OR1J2: variants seen among roughly 807,000 people sequenced by gnomAD.
The protein encoded by OR1J2 is olfactory receptor family 1 subfamily J member 2.
For synonymous variants in OR1J2, 142 were observed against 99.7 expected, an observed-to-expected ratio of 1.42 and a Z score of -2.52; for missense variants, 304 against 246.1, an observed-to-expected ratio of 1.24 and a Z score of -1.57.
the OR1J2 span, among the ~76,000 whole-genome samples, chr9:122,566,118 C>T: frequency 6.6e-6 from 1 of 152,184 alleles, no homozygotes; most frequent in Non-Finnish European, 1.5e-5. Context: ...TTTAAAAGAT[C>T]TGAAAGAAAA....
At chr9:122,538,977 A>G in the OR1J2 span, among the ~76,000 whole-genome samples, 3 of 152,232 alleles carry the variant, frequency 2.0e-5, no homozygotes, top group African/African-American at 4.8e-5. Flanking sequence ...ACATTGTGCA[A>G]TATACCCATG....
At chr9:122,465,502 A>G in the OR1J2 span, among the ~76,000 whole-genome samples, 2 of 152,216 alleles carry the variant, frequency 1.3e-5, no homozygotes, top group East Asian at 1.9e-4. Flanking sequence ...ATCAATAGCT[A>G]TAGCACACCC....
chr9:122,454,239 C>T, the OR1J2 span, among the ~76,000 whole-genome samples: 1 of 152,150 alleles, frequency 6.6e-6, no homozygotes, highest in Non-Finnish European at 1.5e-5. Flanking sequence ...TCCCAGTGGC[C>T]GGGTGCAGTG....
the OR1J2 span, chr9:122,553,873 A>G: frequency 4.3e-6 from 7 of 1,613,670 alleles, no homozygotes; most frequent in African/African-American, 1.3e-5. Context: ...GTCTTCTCCT[A>G]TGTCCGCATT....
At chr9:122,484,900 G>A in the OR1J2 span, among the ~76,000 whole-genome samples, 1 of 152,192 alleles carries the variant, frequency 6.6e-6, no homozygotes, top group South Asian at 2.1e-4. Flanking sequence ...CAGGAATGGT[G>A]GTATGCGCCT....
upstream of OR1J2, chr9:122,510,758 A>G (rs773604932): frequency 1.2e-5 from 13 of 1,091,874 alleles, no homozygotes; most frequent in African/African-American, 1.1e-4. Context: ...CAGAGCCTCT[A>G]ATATTCTCAA....
the OR1J2 span, among the ~76,000 whole-genome samples, chr9:122,525,011 G>A: frequency 6.6e-6 from 1 of 152,192 alleles, no homozygotes; most frequent in African/African-American, 2.4e-5. Flanking sequence ...GGTCAGTGGA[G>A]CGATAGATGT....
the OR1J2 span, among the ~76,000 whole-genome samples, chr9:122,480,559 T>G: frequency 6.6e-6 from 1 of 152,006 alleles, no homozygotes; most frequent in Admixed American, 6.6e-5. Flanking sequence ...GTATTTCTTT[T>G]TTTTTTTTGG....
chr9:122,512,657 AT>A (rs1828653998), downstream of OR1J2, among the ~76,000 whole-genome samples: 2 of 151,778 alleles, frequency 1.3e-5, no homozygotes, highest in South Asian at 4.2e-4. Flanking sequence ...AAATTATCTC[AT>A]TTGTATATAA....
At chr9:122,491,294 A>G in the OR1J2 span, among the ~76,000 whole-genome samples, 1 of 152,162 alleles carries the variant, frequency 6.6e-6, no homozygotes. Flanking sequence ...CCATGAGACA[A>G]ATTTAGTAGG....
chr9:122,554,283 G>A, the OR1J2 span: 1 of 686,034 alleles, frequency 1.5e-6, no homozygotes, highest in South Asian at 2.1e-5. Context: ...TCTGAGTTAG[G>A]GATGTAAAAA....
At chr9:122,515,226 A>G (rs182015974), downstream of OR1J2, among the ~76,000 whole-genome samples, 39 of 152,286 alleles carry the variant, frequency 2.6e-4, no homozygotes, top group Non-Finnish European at 3.1e-4. Flanking sequence ...TTAGGACCAC[A>G]GAATTCGGAG....
chr9:122,540,835 C>T, the OR1J2 span, among the ~76,000 whole-genome samples: 6 of 152,204 alleles, frequency 3.9e-5, no homozygotes, highest in Non-Finnish European at 5.9e-5. Context: ...CCTTCACATC[C>T]CTTGTAAGTT....
chr9:122,547,407 A>G, the OR1J2 span, among the ~76,000 whole-genome samples: 1 of 152,154 alleles, frequency 6.6e-6, no homozygotes, highest in Non-Finnish European at 1.5e-5. Context: ...AACTTAGAGG[A>G]TACAAGTGCA....
At chr9:122,463,755 T>C in the OR1J2 span, among the ~76,000 whole-genome samples, 1 of 152,164 alleles carries the variant, frequency 6.6e-6, no homozygotes, top group Non-Finnish European at 1.5e-5. Context: ...GGGGAGTGTC[T>C]GCAGAATCCT....
At chr9:122,451,279 G>A in the OR1J2 span, among the ~76,000 whole-genome samples, 5 of 151,644 alleles carry the variant, frequency 3.3e-5, no homozygotes, top group Admixed American at 1.3e-4. Context: ...TACACCACCC[G>A]GGTTCAAGTG....
At chr9:122,537,262 A>G in the OR1J2 span, among the ~76,000 whole-genome samples, 181 of 152,330 alleles carry the variant, frequency 1.2e-3, 1 homozygote, top group African/African-American at 4.1e-3. Context: ...GAGTTTCACA[A>G]TGTTCTGCTA....
the OR1J2 span, among the ~76,000 whole-genome samples, chr9:122,545,885 A>G: frequency 4.0e-5 from 6 of 150,902 alleles, no homozygotes; most frequent in Non-Finnish European, 8.8e-5. Context: ...GAATTGTGGT[A>G]TATTTATCAG....
At chr9:122,519,265 A>ACCTGCTCATCAT in the OR1J2 span, 1 of 1,613,866 alleles carries the variant, frequency 6.2e-7, no homozygotes, top group East Asian at 2.2e-5. Flanking sequence ...GTGCTGGGGA[A>ACCTGCTCATCAT]CCTGCTCATC....
Sources: gnomAD v4.1 joint callset for allele counts (sites outside exome capture counted in the v4.1 genomes callset) on GRCh38, gnomAD v4.1.1 for gene constraint, MANE v1.5 for transcripts, NCBI Gene and HGNC (gene_info 2026-07-23, HGNC 2026-07-21) for gene names.